The following SLC22A7 variants were observed in gnomAD, a reference collection of about 807,000 sequenced individuals.
The protein encoded by SLC22A7 is hOAT2.
SLC22A7 carries 48 observed loss-of-function variants against 62.2 expected under a neutral mutation model. The observed-to-expected ratio is 0.77, with a 90% confidence interval of 0.61 to 0.98. The LOEUF (loss-of-function observed/expected upper bound fraction) is 0.98. Ranked by LOEUF, SLC22A7 falls within the 50% of genes least tolerant of loss-of-function variation. The pLI, the probability that SLC22A7 is intolerant of heterozygous loss-of-function variation, is 0.00. For synonymous variants in SLC22A7, 276 were observed against 314.8 expected (o/e 0.88, Z 1.30); for missense variants, 581 against 703.8 (o/e 0.83, Z 1.97).
rs1778618530 is a variant in SLC22A7 at position 43,298,581 on chromosome 6, G to A, written c.223G>A (p.Gly75Ser). 2 of 1,613,376 alleles carry A rather than the reference G, an allele frequency of 1.2e-6. No homozygotes were observed. Among genetic ancestry groups the A allele is most frequent in the Non-Finnish European group, 1.7e-6 (2 of 1,179,650 alleles). The stretch of plus-strand genomic sequence containing the variant: ...GGCCCATCTTCCCCGGGAGCCTGAT[G>A]GCACGCTCAGCTCCTGCCTCCGCTT... ...LEAHLPREPD[G>S]TLSSCLRFAY... Residue 75 changes from glycine (G) to serine (S), a missense_variant, in exon 1 of 11, where the codon GGC becomes AGC. Physicochemically the swap from Gly to Ser is moderately conservative, Grantham distance 56 (BLOSUM62 0). Coordinates refer to ENST00000372585, the MANE Select transcript of SLC22A7 (RefSeq NM_153320.2).
At chr6:43,298,894 A>C in intron 1 of SLC22A7, 143 bp downstream of exon 1, 1 of 1,278,384 alleles carries the variant, frequency 7.8e-7, no homozygotes, top group Non-Finnish European at 1.1e-6. Context: ...TATGAATATA[A>C]GGCACTTTTA....
Position 43,299,277 on chromosome 6 carries a change from A to G in SLC22A7, c.400-113A>G, listed in dbSNP as rs1335148014. Reference sequence around the variant, plus strand: ...GAGGTTTATTATCTGGCATGGAGGTACCAGAATGGCAGAGTTCGCCTCAGA... The same window carrying G: ...GAGGTTTATTATCTGGCATGGAGGTGCCAGAATGGCAGAGTTCGCCTCAGA... On this transcript the variant is annotated intron_variant, in intron 2 of 10. Coordinates refer to ENST00000372585, the MANE Select transcript of SLC22A7 (RefSeq NM_153320.2). This position sits in a 1 kb window ranked among gnomAD's most constrained non-coding sequence, Gnocchi z 4.4. The G allele has an allele frequency of 1.9e-6, 3 of 1,602,632 alleles. No homozygotes were observed. Among genetic ancestry groups the G allele is most frequent in the Non-Finnish European group, 2.6e-6 (3 of 1,174,232 alleles).
chr6:43,304,550 T>C (rs2150737976), intron 10 of SLC22A7, 121 bp from the exon 11 acceptor site: 2 of 797,162 alleles, frequency 2.5e-6, no homozygotes, highest in East Asian at 2.6e-5. Flanking sequence ...TGTGAGTCAC[T>C]TGTACAGGCG....
Position 43,298,568 on chromosome 6 carries a change from C to T in SLC22A7, c.210C>T (p.Pro70=), listed in dbSNP as rs1562111397. 6 of 1,613,746 alleles carry T rather than the reference C, an allele frequency of 3.7e-6. No homozygotes were observed. The highest frequency in any genetic ancestry group is 2.2e-5 in the East Asian group (1 of 44,882). Residue 70 remains proline, a synonymous_variant, in exon 1 of 11, where the codon CCC becomes CCT. Transcript: ENST00000372585. ...ATGTGTGGCTGGAGGCCCATCTTCCCCGGGAGCCTGATGGCACGCTCAGCT... is the reference window on the plus strand; with the variant it reads ...ATGTGTGGCTGGAGGCCCATCTTCCTCGGGAGCCTGATGGCACGCTCAGCT... The part of the protein sequence containing the change: ...HQDVWLEAHL[P]REPDGTLSSC...
rs143456756 is a variant in SLC22A7 at position 43,301,212 on chromosome 6, C to T, written c.905C>T (p.Ala302Val). The stretch of plus-strand genomic sequence containing the variant: ...GCCCACAGGTACTTGCTCCACTGTG[C>T]CAGGCTCAATGGGCGGCCAGTGTGT... ...KEAHRYLLHC[A>V]RLNGRPVCED... is the part of the protein sequence containing the mutation. Residue 302 changes from alanine (A) to valine (V), a missense_variant, in exon 6 of 11, where the codon GCC becomes GTC. Physicochemically the swap from Ala to Val is moderately conservative, Grantham distance 64. Transcript: ENST00000372585. 3.3e-4 allele frequency: 540 copies of T among 1,614,078 alleles called. No homozygotes were observed. The highest frequency in any genetic ancestry group is 4.3e-4 in the Non-Finnish European group (508 of 1,180,040).
In SLC22A7 at chr6:43,302,313, T is replaced by G. The variant is rs1444158041; in HGVS notation, c.1175T>G (p.Leu392Arg). 1 of 1,613,976 alleles carries G rather than the reference T, an allele frequency of 6.2e-7. No homozygotes were observed. The change falls in exon 8 of 11, where the codon CTG (leucine) becomes CGG (arginine). Residue 392 changes from leucine to arginine, a missense_variant. Leu to Arg is a moderately radical substitution (Grantham distance 102, BLOSUM62 -2). Coordinates refer to ENST00000372585, the MANE Select transcript of SLC22A7 (RefSeq NM_153320.2). This position sits in a 1 kb window ranked among gnomAD's most constrained non-coding sequence, Gnocchi z 5.0. Reference sequence around the variant, plus strand: ...GCTGTGGAACTGCCCTCCAAGCTGCTGGTCTACTTGTCGGTGCGCTACGCA... The same window carrying G: ...GCTGTGGAACTGCCCTCCAAGCTGCGGGTCTACTTGTCGGTGCGCTACGCA... ...FGAVELPSKL[L>R]VYLSVRYAGR... is the part of the protein sequence containing the mutation.
intron 5 of SLC22A7, 108 bp from the exon 6 acceptor site, chr6:43,301,026 AG>A: frequency 1.4e-6 from 2 of 1,379,396 alleles, no homozygotes; most frequent in South Asian, 1.3e-5. Flanking sequence ...TTCCAGGCTA[AG>A]GGGACTACAT....
intron 5 of SLC22A7, among the ~76,000 whole-genome samples, chr6:43,300,455 T>G (rs1778701455): frequency 6.6e-6 from 1 of 151,952 alleles, no homozygotes; most frequent in Non-Finnish European, 1.5e-5. Flanking sequence ...GGATGACCCT[T>G]CTGGATATGT....
chr6:43,299,645 G>T lies in SLC22A7; in HGVS notation c.522G>T (p.Leu174=). The change falls in exon 4 of 11, where the codon CTG becomes CTT. Residue 174 remains leucine (L), a synonymous_variant. Transcript: ENST00000372585. This position sits in a 1 kb window ranked among gnomAD's most constrained non-coding sequence, Gnocchi z 4.4. The part of the protein sequence containing the change: ...YLSDRFGRRR[L]LLVAYVSTLV... The stretch of plus-strand genomic sequence containing the variant: ...TTTGCAGGTTTGGGCGGCGGCGTCT[G>T]CTGCTGGTAGCCTACGTGAGTACCC... 1 of 1,614,208 alleles carries T rather than the reference G, an allele frequency of 6.2e-7. No individual in the cohort carries two copies. The highest frequency in any genetic ancestry group is 1.1e-5 in the South Asian group (1 of 91,088).
chr6:43,298,375 T>C lies in SLC22A7; in HGVS notation c.17T>C (p.Leu6Pro). The C allele has an allele frequency of 6.2e-7, 1 of 1,612,428 alleles. No individual in the cohort carries two copies. ...GTGAGCAGCATGGGCTTTGAGGAGC[T>C]GCTGGAGCAGGTGGGCGGCTTTGGG... MGFEE[L>P]LEQVGGFGPF... Residue 6 changes from leucine to proline, a missense_variant, in exon 1 of 11, where the codon CTG becomes CCG. By Grantham distance (98) the Leu-to-Pro change is moderately conservative (BLOSUM62 -3). Coordinates refer to ENST00000372585, the MANE Select transcript of SLC22A7 (RefSeq NM_153320.2).
At chr6:43,301,383 T>C in intron 6 of SLC22A7, 125 bp downstream of exon 6, 1 of 1,407,618 alleles carries the variant, frequency 7.1e-7, no homozygotes, top group South Asian at 1.3e-5. Context: ...CACAGAGAGT[T>C]CCGAACTCTT....
rs761191324 is a variant in SLC22A7, at chr6:43,302,693, AAAGCTTTTTCTG to A, written c.1321_1332del (p.Phe441_Ala444del). On this transcript the variant is annotated inframe_deletion, in exon 9 of 11. Coordinates refer to ENST00000372585, the MANE Select transcript of SLC22A7 (RefSeq NM_153320.2). The surrounding 1 kb of genome is among the most constrained non-coding windows in gnomAD (Gnocchi z 5.0). Reference sequence around the variant, plus strand: ...GAGCACTGTCCTGGCAGTGATGGGGAAAGCTTTTTCTGAAGCTGCCTTCACCACTGCCTACCT... The same window carrying A: ...GAGCACTGTCCTGGCAGTGATGGGGAAAGCTGCCTTCACCACTGCCTACCT... 5.0e-5 allele frequency: 80 copies of A among 1,608,922 alleles called. No individual in the cohort carries two copies. The highest frequency in any genetic ancestry group is 6.4e-5 in the Non-Finnish European group (75 of 1,177,238).
intron 10 of SLC22A7, 55 bp downstream of exon 10, chr6:43,304,299 G>A (rs1244778881): frequency 1.4e-6 from 2 of 1,390,330 alleles, no homozygotes; most frequent in Non-Finnish European, 9.6e-7. Context: ...ATGGATGCAG[G>A]TGCTCAGATA....
chr6:43,298,396 T>C lies in SLC22A7; in HGVS notation c.38T>C (p.Phe13Ser). Residue 13 changes from phenylalanine (F) to serine (S), a missense_variant, in exon 1 of 11, where the codon TTT becomes TCT. Coordinates refer to ENST00000372585, the MANE Select transcript of SLC22A7 (RefSeq NM_153320.2). ...FEELLEQVGG[F>S]GPFQLRNVAL... ...GAGCTGCTGGAGCAGGTGGGCGGCT[T>C]TGGGCCCTTCCAACTGCGGAATGTG... 1.2e-6 allele frequency: 2 copies of C among 1,613,778 alleles called. No individual in the cohort carries two copies. Among genetic ancestry groups the C allele is most frequent in the South Asian group, 2.2e-5 (2 of 91,040 alleles).
In SLC22A7 at chr6:43,304,701, G is replaced by A. The variant is rs1199066128; in HGVS notation, c.1623G>A (p.Met541Ile). 3 of 1,596,196 alleles carry A rather than the reference G, an allele frequency of 1.9e-6. No homozygotes were observed. Among genetic ancestry groups the A allele is most frequent in the Middle Eastern group, 3.3e-4 (2 of 6,004 alleles). The change falls in exon 11 of 11, where the codon ATG (methionine) becomes ATA (isoleucine). Residue 541 changes from methionine (M) to isoleucine (I), a missense_variant. Coordinates refer to ENST00000372585, the MANE Select transcript of SLC22A7 (RefSeq NM_153320.2). Reference protein sequence around the residue: ...SAPTSLQEEEMPMKQVQN With the variant: ...SAPTSLQEEEIPMKQVQN ...CAACCAGTCTTCAGGAGGAAGAGAT[G>A]CCCATGAAGCAGGTCCAGAACTAAG...
At chr6:43,300,151 G>C (rs749799115) in intron 5 of SLC22A7, 85 bp downstream of exon 5, 1 of 1,387,906 alleles carries the variant, frequency 7.2e-7, no homozygotes, top group South Asian at 1.3e-5. Context: ...AGGATAGAGA[G>C]ATTGAGAGAT....
intron 6 of SLC22A7, 61 bp downstream of exon 6, chr6:43,301,319 A>C: frequency 6.2e-7 from 1 of 1,602,272 alleles, no homozygotes; most frequent in Non-Finnish European, 8.5e-7. Context: ...GGGCTGTGTC[A>C]AGTGCCTCCC....
Position 43,302,595 on chromosome 6 carries a change from C to T in SLC22A7, c.1277-60C>T. On this transcript the variant is annotated intron_variant, in intron 8 of 10. Transcript: ENST00000372585. The surrounding 1 kb of genome is among the most constrained non-coding windows in gnomAD (Gnocchi z 5.0). ...CCACTCTGGAGACTCCGCACCCTAT[C>T]CAGAACACCCCTGGCTCTCCTCCAA... 7.4e-7 allele frequency: 1 copy of T among 1,359,338 alleles called. No individual in the cohort carries two copies. Among genetic ancestry groups the T allele is most frequent in the Non-Finnish European group, 1.0e-6 (1 of 971,350 alleles). The allele number at this position is 1,359,338 out of a possible 1,614,324, so 84.2% of individuals were successfully genotyped here. A position where few individuals can be genotyped will look rare whatever the true frequency, so the allele number is the denominator to read the frequency against.
rs1778645949 is a variant in SLC22A7 at position 43,299,201 on chromosome 6, G to A, written c.399+104G>A. 2 of 1,613,914 alleles carry A rather than the reference G, an allele frequency of 1.2e-6. No homozygotes were observed. Among genetic ancestry groups the A allele is most frequent in the South Asian group, 2.2e-5 (2 of 91,044 alleles). On this transcript the variant is annotated intron_variant, in intron 2 of 10. Transcript: ENST00000372585. The surrounding 1 kb of genome is among the most constrained non-coding windows in gnomAD (Gnocchi z 4.4). ...CCTTGGGAAGAAGCTGAGGCTGCAG[G>A]ACTGGGGAGGGACAAAGTTTCCTAT...
Sources: allele counts gnomAD v4.1 joint callset (sites outside exome capture counted in the v4.1 genomes callset), GRCh38; gene constraint gnomAD v4.1.1; non-coding constraint Gnocchi (gnomAD v3.1); transcripts MANE v1.5; gene names NCBI Gene and HGNC (gene_info 2026-07-23, HGNC 2026-07-21).